The following GALNT13 variants were observed in gnomAD, a reference collection of about 807,000 sequenced individuals.
GALNT13 encodes UDP-GalNAc:polypeptide N-acetylgalactosaminyltransferase 13.
A neutral mutation model predicts 64.2 loss-of-function variants in GALNT13; 28 were observed. The ratio of observed to expected loss-of-function variants is 0.44; its 90% CI spans 0.32 to 0.60. The LOEUF (loss-of-function observed/expected upper bound fraction) is 0.60, where lower values mean the gene tolerates loss of function less well. Ranked by LOEUF, GALNT13 falls within the 20% of genes least tolerant of loss-of-function variation. The pLI is 0.05. For missense variants in GALNT13, 577 were observed against 669.8 expected (o/e 0.86, Z 1.53); for synonymous variants, 214 against 224.6 (o/e 0.95, Z 0.42).
the GALNT13 span, among the ~76,000 whole-genome samples, chr2:153,713,273 C>T: frequency 6.6e-6 from 1 of 152,048 alleles, no homozygotes; most frequent in Non-Finnish European, 1.5e-5. Flanking sequence ...AAATAATACC[C>T]TTATTCATTT....
the GALNT13 span, among the ~76,000 whole-genome samples, chr2:153,727,012 A>G: frequency 2.0e-5 from 3 of 152,020 alleles, no homozygotes; most frequent in Non-Finnish European, 4.4e-5. Flanking sequence ...CAAAGAGAGT[A>G]TCAGTAAACC....
the GALNT13 span, among the ~76,000 whole-genome samples, chr2:153,727,339 T>C: frequency 6.6e-6 from 1 of 150,632 alleles, no homozygotes; most frequent in South Asian, 2.1e-4. Flanking sequence ...TTCATTCTCA[T>C]TGTTGTATAT....
At chr2:153,821,109 T>G in the GALNT13 span, among the ~76,000 whole-genome samples, 1 of 152,102 alleles carries the variant, frequency 6.6e-6, no homozygotes, top group East Asian at 1.9e-4. Context: ...ACTTATAGAC[T>G]TATGAAAAGA....
chr2:154,386,317 A>C (rs975457499), intron 9 of GALNT13, among the ~76,000 whole-genome samples: 1 of 152,084 alleles, frequency 6.6e-6, no homozygotes, highest in African/African-American at 2.4e-5. Flanking sequence ...AGGAGTAAAG[A>C]AGTGGAGTTG....
chr2:153,971,217 C>T (rs1345302931), intron 3 of GALNT13, among the ~76,000 whole-genome samples: 3 of 152,182 alleles, frequency 2.0e-5, no homozygotes, highest in Non-Finnish European at 2.9e-5. Flanking sequence ...GTCAGTGACT[C>T]AGTATAGCCC....
the GALNT13 span, among the ~76,000 whole-genome samples, chr2:153,208,332 G>C: frequency 6.6e-6 from 1 of 152,048 alleles, no homozygotes; most frequent in African/African-American, 2.4e-5. Flanking sequence ...GGCAACCTCT[G>C]ATCTGATCTT....
chr2:153,791,561 A>G, the GALNT13 span, among the ~76,000 whole-genome samples: 3 of 152,114 alleles, frequency 2.0e-5, no homozygotes, highest in African/African-American at 7.2e-5. Flanking sequence ...CCATCCAGCA[A>G]TCCTATTGCT....
At chr2:154,042,544 C>A (rs1574397392) in intron 3 of GALNT13, among the ~76,000 whole-genome samples, 1 of 138,688 alleles carries the variant, frequency 7.2e-6, no homozygotes, top group Non-Finnish European at 1.7e-5. Flanking sequence ...CAGACAATAT[C>A]ATAATCTTTT....
At chr2:154,386,301 T>G (rs1372321579) in intron 9 of GALNT13, among the ~76,000 whole-genome samples, 1 of 151,838 alleles carries the variant, frequency 6.6e-6, no homozygotes, top group African/African-American at 2.4e-5. Context: ...GAAAACAGAA[T>G]AAGGGAGGAG....
chr2:153,918,074 A>G (rs969084050), intron 2 of GALNT13, among the ~76,000 whole-genome samples: 10 of 152,152 alleles, frequency 6.6e-5, no homozygotes, highest in Non-Finnish European at 1.5e-4. Flanking sequence ...GATGTTCAAA[A>G]GCATTTTTAG....
chr2:153,310,287 A>AT, the GALNT13 span, among the ~76,000 whole-genome samples: 1 of 152,082 alleles, frequency 6.6e-6, no homozygotes, highest in Admixed American at 6.6e-5. Flanking sequence ...AATTACATTG[A>AT]TTTTTTTGAA....
chr2:153,574,822 C>T, the GALNT13 span, among the ~76,000 whole-genome samples: 2 of 151,790 alleles, frequency 1.3e-5, no homozygotes, highest in South Asian at 2.1e-4. Context: ...ATTTTGAAGC[C>T]TCTGTCTGAA....
chr2:154,015,040 A>G (rs937224742), intron 3 of GALNT13, among the ~76,000 whole-genome samples: 2 of 152,180 alleles, frequency 1.3e-5, no homozygotes, highest in Non-Finnish European at 2.9e-5. Context: ...AAACATGCAT[A>G]TTATCTTCTG....
the GALNT13 span, among the ~76,000 whole-genome samples, chr2:153,702,603 G>A: frequency 2.0e-5 from 3 of 152,028 alleles, no homozygotes. Flanking sequence ...GACTGGATGT[G>A]GTATATGGGA....
the GALNT13 span, among the ~76,000 whole-genome samples, chr2:153,517,985 C>A: frequency 7.2e-5 from 11 of 152,064 alleles, no homozygotes; most frequent in Admixed American, 5.9e-4. Context: ...ATGCACTGAG[C>A]AGGACACAAC....
At chr2:154,122,851 A>C (rs2105521412) in intron 3 of GALNT13, among the ~76,000 whole-genome samples, 1 of 152,056 alleles carries the variant, frequency 6.6e-6, no homozygotes. Flanking sequence ...CACTAACAGG[A>C]TAAATACTAA....
chr2:154,027,469 A>G (rs560964773), intron 3 of GALNT13, among the ~76,000 whole-genome samples: 1 of 152,178 alleles, frequency 6.6e-6, no homozygotes, highest in South Asian at 2.1e-4. Context: ...AATGGACAAC[A>G]TATACCTAAT....
chr2:153,324,822 G>A, the GALNT13 span, among the ~76,000 whole-genome samples: 10 of 152,166 alleles, frequency 6.6e-5, no homozygotes, highest in African/African-American at 1.4e-4. Flanking sequence ...TTGCAATCCA[G>A]GAATAAAGCC....
chr2:153,352,118 T>A, the GALNT13 span, among the ~76,000 whole-genome samples: 7 of 152,268 alleles, frequency 4.6e-5, no homozygotes, highest in African/African-American at 1.7e-4. Context: ...CTCAGCAATA[T>A]TTGTTTGTAT....
Sources: allele counts gnomAD v4.1 joint callset (sites outside exome capture counted in the v4.1 genomes callset), GRCh38; gene constraint gnomAD v4.1.1; transcripts MANE v1.5; gene names NCBI Gene and HGNC (gene_info 2026-07-23, HGNC 2026-07-21).